MAP3K5: variants seen among roughly 807,000 people sequenced by gnomAD.
MAP3K5 encodes the protein ASK-1.
In MAP3K5, 56 loss-of-function variants were observed where a neutral mutation model predicts 158.7. The observed-to-expected ratio is 0.35, with a 90% confidence interval of 0.28 to 0.44. The LOEUF (loss-of-function observed/expected upper bound fraction) is 0.44. Among genes scored for constraint, MAP3K5 ranks in the 20% least tolerant of loss-of-function variants. MAP3K5 has a pLI of 1.00. For missense variants in MAP3K5, 1,294 were observed against 1,674.8 expected (o/e 0.77, Z 3.97); for synonymous variants, 579 against 601.7 (o/e 0.96, Z 0.55).
At chr6:136,713,983 T>C (rs1398625639) in intron 2 of MAP3K5, among the ~76,000 whole-genome samples, 2 of 152,212 alleles carry the variant, frequency 1.3e-5, no homozygotes, top group African/African-American at 4.8e-5. Flanking sequence ...AAGTTGATGA[T>C]TTTTAAAATG....
At chr6:136,765,633 C>G (rs1157001174) in intron 1 of MAP3K5, among the ~76,000 whole-genome samples, 1 of 151,802 alleles carries the variant, frequency 6.6e-6, no homozygotes, top group African/African-American at 2.4e-5. Flanking sequence ...CTGCCTCAGC[C>G]TCCCAAGTAG....
At chr6:136,574,277 T>A (rs1168332402) in intron 25 of MAP3K5, among the ~76,000 whole-genome samples, 1 of 152,198 alleles carries the variant, frequency 6.6e-6, no homozygotes, top group South Asian at 2.1e-4. Flanking sequence ...CTTAGTAAGA[T>A]CATAATACTT....
chr6:136,564,094 G>C (rs1227178854), intron 26 of MAP3K5, among the ~76,000 whole-genome samples: 1 of 152,176 alleles, frequency 6.6e-6, no homozygotes, highest in East Asian at 1.9e-4. Context: ...AGATTATTGT[G>C]AGCATTAAAT....
At chr6:136,638,133 T>C (rs1777737093) in intron 13 of MAP3K5, among the ~76,000 whole-genome samples, 2 of 152,014 alleles carry the variant, frequency 1.3e-5, no homozygotes, top group South Asian at 4.2e-4. Context: ...CCAAGCCTGA[T>C]TGGAATAACA....
chr6:136,707,999 A>C (rs1781151606), intron 2 of MAP3K5, among the ~76,000 whole-genome samples: 1 of 152,256 alleles, frequency 6.6e-6, no homozygotes, highest in Non-Finnish European at 1.5e-5. Flanking sequence ...TATAAAAGAG[A>C]GAAAAATGAA....
At chr6:136,585,964 G>T (rs567590232) in intron 23 of MAP3K5, among the ~76,000 whole-genome samples, 1 of 151,904 alleles carries the variant, frequency 6.6e-6, no homozygotes, top group South Asian at 2.1e-4. Flanking sequence ...CCTCCACTGG[G>T]CTGTGAAAAT....
intron 7 of MAP3K5, among the ~76,000 whole-genome samples, chr6:136,675,153 C>T (rs1346961983): frequency 6.6e-6 from 1 of 151,270 alleles, no homozygotes; most frequent in Admixed American, 6.6e-5. Context: ...TATAACAGTC[C>T]CAAATGTACC....
At chr6:136,735,196 T>C (rs902323632) in intron 1 of MAP3K5, among the ~76,000 whole-genome samples, 5 of 152,208 alleles carry the variant, frequency 3.3e-5, no homozygotes, top group African/African-American at 1.2e-4. Flanking sequence ...TACATAAGCA[T>C]TAATAGTTAT....
intron 1 of MAP3K5, among the ~76,000 whole-genome samples, chr6:136,729,648 T>C (rs1014431374): frequency 3.3e-5 from 5 of 152,252 alleles, no homozygotes; most frequent in Non-Finnish European, 2.9e-5. Flanking sequence ...TAAAGAATTT[T>C]GACTTGATCC....
intron 15 of MAP3K5, among the ~76,000 whole-genome samples, chr6:136,621,181 G>A (rs888765182): frequency 1.1e-4 from 17 of 151,290 alleles, no homozygotes; most frequent in Admixed American, 9.9e-4. Flanking sequence ...GATATATTCC[G>A]AAACTCAGAG....
chr6:136,769,810 A>AGGGAGGGAGGGG (rs1562691253), intron 1 of MAP3K5, among the ~76,000 whole-genome samples: 2 of 26,332 alleles, frequency 7.6e-5, no homozygotes, highest in Non-Finnish European at 1.4e-4. Context: ...GGAGGGAGGG[A>AGGGAGGGAGGGG]GGGGACGGGA....
chr6:136,669,925 TAAACATTTA>T (rs1779410116), intron 7 of MAP3K5, among the ~76,000 whole-genome samples: 1 of 144,204 alleles, frequency 6.9e-6, no homozygotes, highest in Non-Finnish European at 1.5e-5. Context: ...GTGTGTACAA[TAAACATTTA>T]AAAATGAGAA....
intron 1 of MAP3K5, among the ~76,000 whole-genome samples, chr6:136,722,028 T>G (rs1397640186): frequency 6.6e-6 from 1 of 152,216 alleles, no homozygotes; most frequent in Non-Finnish European, 1.5e-5. Context: ...TACTATATAA[T>G]GGCTTTCTGA....
At chr6:136,664,270 G>T (rs988558044) in intron 8 of MAP3K5, among the ~76,000 whole-genome samples, 4 of 151,922 alleles carry the variant, frequency 2.6e-5, no homozygotes, top group African/African-American at 4.8e-5. Context: ...CTGATGATCT[G>T]TCACTGTCTC....
chr6:136,558,904 AG>A (rs1293758150), intron 28 of MAP3K5, 28 bp from the exon 29 acceptor site: 11 of 1,158,528 alleles, frequency 9.5e-6, no homozygotes, highest in Non-Finnish European at 1.4e-5. Context: ...TATGCACAAA[AG>A]ATGTTTTATA....
At chr6:136,771,552 A>T (rs533700662) in intron 1 of MAP3K5, among the ~76,000 whole-genome samples, 1 of 152,296 alleles carries the variant, frequency 6.6e-6, no homozygotes, top group South Asian at 2.1e-4. Flanking sequence ...ATTTCTGCAA[A>T]AACAACCCCT....
chr6:136,605,335 T>C lies in MAP3K5; in HGVS notation c.2553A>G (p.Ile851Met). ...GTLQYMAPEI[I>M]DKGPRGYGKA... ...TTCCGTAGCCTCTTGGTCCTTTATC[T>C]ATTATTTCTGGTGCCATATACTGGA... Residue 851 changes from isoleucine (I) to methionine (M), a missense_variant, in exon 19 of 30, where the codon ATA becomes ATG. By Grantham distance (10) the Ile-to-Met change is conservative. Coordinates refer to ENST00000359015, the MANE Select transcript of MAP3K5 (RefSeq NM_005923.4). 1.9e-6 allele frequency: 3 copies of C among 1,614,010 alleles called. No individual in the cohort carries two copies. The highest frequency in any genetic ancestry group is 2.5e-6 in the Non-Finnish European group (3 of 1,179,942).
At chr6:136,577,274 T>C (rs1374934289) in intron 25 of MAP3K5, among the ~76,000 whole-genome samples, 2 of 152,230 alleles carry the variant, frequency 1.3e-5, no homozygotes, top group Non-Finnish European at 2.9e-5. Context: ...GAAAATTTGA[T>C]GGAGTTGTTG....
chr6:136,689,918 TA>T (rs1012763427), intron 7 of MAP3K5, among the ~76,000 whole-genome samples: 6 of 149,664 alleles, frequency 4.0e-5, no homozygotes, highest in Non-Finnish European at 7.4e-5. Context: ...TTTCAAAACT[TA>T]AAAAAAAAAT....
Sources: allele counts gnomAD v4.1 joint callset (sites outside exome capture counted in the v4.1 genomes callset), GRCh38; gene constraint gnomAD v4.1.1; transcripts MANE v1.5; gene names NCBI Gene and HGNC (gene_info 2026-07-23, HGNC 2026-07-21).